Variants in MDGA2 observed in about 807,000 individuals in gnomAD.
MDGA2 encodes the protein MAM domain containing glycosylphosphatidylinositol anchor 2, also known as MAM domain-containing glycosylphosphatidylinositol anchor protein 2.
A neutral mutation model predicts 117.8 loss-of-function variants in MDGA2; 40 were observed. The ratio of observed to expected loss-of-function variants is 0.34; its 90% CI spans 0.26 to 0.44. The LOEUF (loss-of-function observed/expected upper bound fraction) is 0.44, where lower values mean the gene tolerates loss of function less well. MDGA2 is among the 20% of genes least tolerant of loss of function. The probability of loss-of-function intolerance (pLI) is 1.00; values close to 1 mark genes in which losing one functional copy is unlikely to be tolerated. For synonymous variants in MDGA2, 452 were observed against 439.0 expected (o/e 1.03, Z -0.37); for missense variants, 1,123 against 1,250.6 (o/e 0.90, Z 1.54).
At chr14:47,406,216 T>C (rs1048181805) in intron 1 of MDGA2, among the ~76,000 whole-genome samples, 2 of 152,104 alleles carry the variant, frequency 1.3e-5, no homozygotes, top group Non-Finnish European at 2.9e-5. Flanking sequence ...TTAATAAAAC[T>C]AATAAAATTT....
At chr14:47,437,074 T>C (rs905504413) in intron 1 of MDGA2, among the ~76,000 whole-genome samples, 11 of 152,104 alleles carry the variant, frequency 7.2e-5, no homozygotes, top group Admixed American at 3.3e-4. Flanking sequence ...TAGCCTAGAA[T>C]TGTACTTTCT....
intron 2 of MDGA2, among the ~76,000 whole-genome samples, chr14:47,265,262 T>C (rs1328628572): frequency 6.6e-6 from 1 of 152,124 alleles, no homozygotes; most frequent in Non-Finnish European, 1.5e-5. Flanking sequence ...AAGTGATTAG[T>C]TTTGAGTATG....
intron 1 of MDGA2, among the ~76,000 whole-genome samples, chr14:47,516,881 T>G (rs1340613290): frequency 1.3e-5 from 2 of 152,210 alleles, no homozygotes; most frequent in Non-Finnish European, 2.9e-5. Context: ...GAAAGACTTC[T>G]AATTCAAGGG....
At chr14:47,389,612 A>ACACCCACACACACC (rs112587696) in intron 1 of MDGA2, among the ~76,000 whole-genome samples, 1 of 147,680 alleles carries the variant, frequency 6.8e-6, no homozygotes, top group African/African-American at 2.5e-5. Context: ...ACACCCACAC[A>ACACCCACACACACC]CACACACACA....
At chr14:47,472,574 T>C (rs1250908353) in intron 1 of MDGA2, among the ~76,000 whole-genome samples, 1 of 152,290 alleles carries the variant, frequency 6.6e-6, no homozygotes, top group East Asian at 1.9e-4. Flanking sequence ...TAGGTTTAGT[T>C]AATGCCAGTG....
At chr14:47,025,863 C>T (rs1888454647) in intron 8 of MDGA2, among the ~76,000 whole-genome samples, 1 of 152,118 alleles carries the variant, frequency 6.6e-6, no homozygotes, top group South Asian at 2.1e-4. Context: ...TGTTTTTAGA[C>T]ATTTTCAAAG....
At chr14:47,326,973 G>A (rs867775669) in intron 1 of MDGA2, among the ~76,000 whole-genome samples, 2 of 152,114 alleles carry the variant, frequency 1.3e-5, no homozygotes, top group Admixed American at 1.3e-4. Context: ...TGCTTACCAA[G>A]GAGAGGATGG....
intron 8 of MDGA2, among the ~76,000 whole-genome samples, chr14:47,021,973 A>G (rs1888301558): frequency 6.6e-6 from 1 of 152,152 alleles, no homozygotes; most frequent in South Asian, 2.1e-4. Context: ...TTTTACTGTC[A>G]CCTAGGTTGA....
chr14:47,398,508 T>C (rs1242725438), intron 1 of MDGA2, among the ~76,000 whole-genome samples: 1 of 152,202 alleles, frequency 6.6e-6, no homozygotes, highest in Non-Finnish European at 1.5e-5. Flanking sequence ...TATATATTTA[T>C]ACATTTTCTG....
intron 14 of MDGA2, among the ~76,000 whole-genome samples, chr14:46,859,726 G>A (rs1407006994): frequency 6.6e-6 from 1 of 152,106 alleles, no homozygotes; most frequent in Admixed American, 6.6e-5. Context: ...GGACTTATCT[G>A]ATATCATTTA....
intron 1 of MDGA2, among the ~76,000 whole-genome samples, chr14:47,375,628 T>A (rs1290740334): frequency 6.6e-6 from 1 of 152,090 alleles, no homozygotes; most frequent in Non-Finnish European, 1.5e-5. Flanking sequence ...TCTAATGACA[T>A]CTTACTCGTC....
intron 5 of MDGA2, among the ~76,000 whole-genome samples, chr14:47,112,446 G>A (rs545164204): frequency 1.3e-5 from 2 of 152,136 alleles, no homozygotes; most frequent in African/African-American, 4.8e-5. Flanking sequence ...TCCTCCCTGT[G>A]TCCATGGGTC....
At chr14:46,899,083 T>C (rs935596586) in intron 10 of MDGA2, among the ~76,000 whole-genome samples, 9 of 151,862 alleles carry the variant, frequency 5.9e-5, no homozygotes, top group African/African-American at 1.7e-4. Context: ...AAACAGGAAA[T>C]AGGTTGGCAT....
intron 2 of MDGA2, among the ~76,000 whole-genome samples, chr14:47,260,200 G>A (rs1161011018): frequency 6.6e-6 from 1 of 152,074 alleles, no homozygotes; most frequent in Non-Finnish European, 1.5e-5. Context: ...GTCCAGATGA[G>A]AGCAATGAAT....
intron 10 of MDGA2, among the ~76,000 whole-genome samples, chr14:46,916,090 C>A (rs1288223370): frequency 6.6e-6 from 1 of 152,114 alleles, no homozygotes; most frequent in East Asian, 1.9e-4. Context: ...GTGGTGGGAC[C>A]CAGACATTAG....
chr14:47,314,545 G>C (rs1889746306), intron 1 of MDGA2, among the ~76,000 whole-genome samples: 2 of 151,998 alleles, frequency 1.3e-5, no homozygotes. Flanking sequence ...GGGCTTGGTG[G>C]CATGAGCCTG....
At chr14:47,500,052 C>T (rs1010490182) in intron 1 of MDGA2, among the ~76,000 whole-genome samples, 2 of 152,064 alleles carry the variant, frequency 1.3e-5, no homozygotes. Context: ...CCTGAAAAAT[C>T]ATTTGCATAT....
chr14:47,648,471 A>T (rs1248465444), intron 1 of MDGA2, among the ~76,000 whole-genome samples: 1 of 152,142 alleles, frequency 6.6e-6, no homozygotes, highest in Non-Finnish European at 1.5e-5. Flanking sequence ...CAATGACTAG[A>T]AAGTAGCCTG....
intron 1 of MDGA2, among the ~76,000 whole-genome samples, chr14:47,655,959 T>A (rs1411810934): frequency 6.6e-6 from 1 of 152,140 alleles, no homozygotes; most frequent in East Asian, 1.9e-4. Context: ...CTACGGCAAG[T>A]CCCTGTAGAA....
Sources: allele counts gnomAD v4.1 joint callset (sites outside exome capture counted in the v4.1 genomes callset), GRCh38; gene constraint gnomAD v4.1.1; transcripts MANE v1.5; gene names NCBI Gene and HGNC (gene_info 2026-07-23, HGNC 2026-07-21).